The following SYNE2 variants were observed in gnomAD, a reference collection of about 807,000 sequenced individuals.
The protein encoded by SYNE2 is nesprin-2.
A neutral mutation model predicts 856.3 loss-of-function variants in SYNE2; 431 were observed. That is an observed-to-expected ratio of 0.50 (90% confidence interval 0.47 to 0.55). The LOEUF (loss-of-function observed/expected upper bound fraction) is 0.55. Among genes scored for constraint, SYNE2 ranks in the 20% least tolerant of loss-of-function variants. The pLI, the probability that SYNE2 is intolerant of heterozygous loss-of-function variation, is 0.00. For missense variants in SYNE2, 8,129 were observed against 8,023.2 expected (o/e 1.01, Z -0.50); for synonymous variants, 2,923 against 2,872.3 (o/e 1.02, Z -0.56).
Position 64,128,478 on chromosome 14 carries a change from G to T in SYNE2, c.13944G>T (p.Gln4648His). ...YQNEIKRLYH[Q>H]LIKSKTSLQQ... ...ATGAAATAAAGAGATTATATCATCAGCTCATTAAGAGTAAGACATCTTTAC... is the reference window on the plus strand; with the variant it reads ...ATGAAATAAAGAGATTATATCATCATCTCATTAAGAGTAAGACATCTTTAC... Residue 4648 changes from glutamine (Q) to histidine (H), a missense_variant, in exon 74 of 116, where the codon CAG (glutamine) becomes CAT (histidine). By Grantham distance (24) the Gln-to-His change is conservative (BLOSUM62 0). Transcript: ENST00000555002. The T allele has an allele frequency of 6.3e-7, 1 of 1,596,874 alleles. No homozygotes were observed. Among genetic ancestry groups the T allele is most frequent in the Non-Finnish European group, 8.6e-7 (1 of 1,164,278 alleles).
chr14:63,793,526 A>C (rs1887807383), intron 1 of SYNE2, among the ~76,000 whole-genome samples: 1 of 137,770 alleles, frequency 7.3e-6, no homozygotes, highest in Non-Finnish European at 1.6e-5. Flanking sequence ...TTGTCAAGCA[A>C]CATGCTAAAC....
Position 64,141,357 on chromosome 14 carries a change from T to G in SYNE2, c.14993T>G (p.Val4998Gly), listed in dbSNP as rs1463128504. The change falls in exon 81 of 116, where the codon GTT becomes GGT. Residue 4998 changes from valine to glycine, a missense_variant. This residue lies in a region of SYNE2 where 5,410 missense variants were observed against 5,284.8 expected (regional missense o/e 1.02). Coordinates refer to ENST00000555002, the MANE Select transcript of SYNE2 (RefSeq NM_182914.3). ...CTCCTTTAGGAGTTTTCAAAAGAAG[T>G]TGATGAAAAATCCTCCTTGAAGACT... is the stretch of plus-strand genomic sequence containing the variant. ...INNFFEFSKE[V>G]DEKSSLKTAV... is the part of the protein sequence containing the mutation. 6.2e-7 allele frequency: 1 copy of G among 1,613,184 alleles called. No individual in the cohort carries two copies. Among genetic ancestry groups the G allele is most frequent in the Non-Finnish European group, 8.5e-7 (1 of 1,179,764 alleles).
At position 63,993,868 on chromosome 14, in the gene SYNE2, G is replaced by T; in HGVS notation, c.2680G>T (p.Ala894Ser). The T allele has an allele frequency of 6.2e-7, 1 of 1,610,548 alleles. No homozygotes were observed. The highest frequency in any genetic ancestry group is 8.5e-7 in the Non-Finnish European group (1 of 1,178,204). Residue 894 changes from alanine (A) to serine (S), a missense_variant, in exon 22 of 116, where the codon GCC becomes TCC. Ala to Ser is a moderately conservative substitution (Grantham distance 99). This residue lies in a region of SYNE2 where 2,422 missense variants were observed against 2,357.4 expected (regional missense o/e 1.03). Coordinates refer to ENST00000555002, the MANE Select transcript of SYNE2 (RefSeq NM_182914.3). ...ALIISNTKSL[A>S]KYLKAVEELK... is the part of the protein sequence containing the mutation. ...AATAATTTCTAATACAAAAAGTCTG[G>T]CCAAGTATTTGAAAGCTGTTGAAGA...
At chr14:64,033,120 A>G (rs1054396220) in intron 45 of SYNE2, among the ~76,000 whole-genome samples, 4 of 152,202 alleles carry the variant, frequency 2.6e-5, no homozygotes, top group African/African-American at 9.7e-5. Flanking sequence ...GTGAGCCATG[A>G]TTGTGTCACT....
chr14:63,895,551 G>C (rs1365086845), intron 1 of SYNE2, among the ~76,000 whole-genome samples: 1 of 145,492 alleles, frequency 6.9e-6, no homozygotes. Flanking sequence ...CTGGGAGTTT[G>C]AGACCAGCCT....
At chr14:63,942,575 A>C (rs2095937656) in intron 6 of SYNE2, among the ~76,000 whole-genome samples, 1 of 151,546 alleles carries the variant, frequency 6.6e-6, no homozygotes, top group Non-Finnish European at 1.5e-5. Context: ...GGCTCACTGC[A>C]ACTTCCACCT....
intron 76 of SYNE2, among the ~76,000 whole-genome samples, chr14:64,131,275 A>G (rs2098017830): frequency 6.6e-6 from 1 of 152,182 alleles, no homozygotes; most frequent in Admixed American, 6.5e-5. Flanking sequence ...AGGAGAAGGG[A>G]TTCACATAAT....
chr14:63,883,450 A>G (rs1187440855), intron 1 of SYNE2, among the ~76,000 whole-genome samples: 1 of 152,124 alleles, frequency 6.6e-6, no homozygotes, highest in Non-Finnish European at 1.5e-5. Flanking sequence ...CTTGATCACC[A>G]GGCTCAGATG....
At chr14:63,767,707 A>G (rs1886738698) in intron 1 of SYNE2, among the ~76,000 whole-genome samples, 1 of 152,064 alleles carries the variant, frequency 6.6e-6, no homozygotes, top group Non-Finnish European at 1.5e-5. Flanking sequence ...TTCTGCCTGC[A>G]TTCTAAATTG....
At chr14:63,777,448 T>C (rs182065221) in intron 1 of SYNE2, among the ~76,000 whole-genome samples, 3 of 152,206 alleles carry the variant, frequency 2.0e-5, no homozygotes, top group Non-Finnish European at 4.4e-5. Context: ...GGTGGGAGGA[T>C]TGCTTGTGCT....
In SYNE2 at chr14:63,983,758, A is replaced by G. The variant is rs199854951; in HGVS notation, c.2023A>G (p.Ile675Val). ...ATAGGAAATGAACCTGCCACTGATGATAAAAAAACAGGATCAGCCCACTTT... is the reference window on the plus strand; with the variant it reads ...ATAGGAAATGAACCTGCCACTGATGGTAAAAAAACAGGATCAGCCCACTTT... ...TQLEMNLPLM[I>V]KKQDQPTFDN... Residue 675 changes from isoleucine (I) to valine (V), a missense_variant, in exon 18 of 116, where the codon ATA becomes GTA. Ile to Val is a conservative substitution (Grantham distance 29). Around this residue, in one of 3 missense-constraint regions of SYNE2, gnomAD observed 2,422 missense variants for 2,357.4 expected, o/e 1.03. Coordinates refer to ENST00000555002, the MANE Select transcript of SYNE2 (RefSeq NM_182914.3). 4.3e-5 allele frequency: 70 copies of G among 1,612,906 alleles called. No individual in the cohort carries two copies. Among genetic ancestry groups the G allele is most frequent in the African/African-American group, 5.3e-5 (4 of 74,916 alleles).
At position 64,059,784 on chromosome 14, in the gene SYNE2, G is replaced by A. The variant is rs564711233; in HGVS notation, c.10068-2967G>A. ...GGGTGGCGAGTTGCCCCGCACCTAG[G>A]TGAGTTCAGATATGCTGTCTGGGAG... is the stretch of plus-strand genomic sequence containing the variant. On this transcript the variant is annotated intron_variant, in intron 49 of 115. Coordinates refer to ENST00000555002, the MANE Select transcript of SYNE2 (RefSeq NM_182914.3). Among the ~76,000 whole-genome samples, 132 of 152,334 alleles carry A rather than the reference G, an allele frequency of 8.7e-4. 2 individuals carry two copies. The South Asian group carries it at 0.024, about 27-fold the overall frequency.
In SYNE2 at chr14:64,175,127, A is replaced by T; in HGVS notation, c.17419A>T (p.Ser5807Cys). 6.2e-7 allele frequency: 1 copy of T among 1,614,012 alleles called. No homozygotes were observed. Among genetic ancestry groups the T allele is most frequent in the Non-Finnish European group, 8.5e-7 (1 of 1,179,890 alleles). ...GGCAGAGATGATTAAGCAGTTCCAG[A>T]GCACTGTAGAGGTAAACTCACCACT... The part of the protein sequence containing the change: ...QLAEMIKQFQ[S>C]TVETWDQCEK... The change falls in exon 95 of 116, where the codon AGC becomes TGC. Residue 5807 changes from serine to cysteine, a missense_variant. Physicochemically the swap from Ser to Cys is moderately radical, Grantham distance 112 (BLOSUM62 -1). Coordinates refer to ENST00000555002, the MANE Select transcript of SYNE2 (RefSeq NM_182914.3).
At chr14:64,038,877 G>T (rs548734004) in intron 45 of SYNE2, among the ~76,000 whole-genome samples, 1,121 of 70,074 alleles carry the variant, frequency 0.016, 21 homozygotes, top group African/African-American at 0.039. Context: ...AGAGGGAGAG[G>T]GAGAGGGAGA....
intron 45 of SYNE2, among the ~76,000 whole-genome samples, chr14:64,044,655 T>C (rs947330500): frequency 6.6e-6 from 1 of 152,098 alleles, no homozygotes; most frequent in African/African-American, 2.4e-5. Context: ...TGGGAGGTGA[T>C]TGAATTATGG....
chr14:63,867,547 A>T (rs1433190856), intron 1 of SYNE2, among the ~76,000 whole-genome samples: 1 of 151,870 alleles, frequency 6.6e-6, no homozygotes, highest in East Asian at 1.9e-4. Flanking sequence ...AAAATACAAA[A>T]ATTAGCCAGG....
rs5809213 is a variant in SYNE2, at chr14:64,141,812, GT to G, written c.15160-120del. On this transcript the variant is annotated intron_variant, in intron 81 of 115. Transcript: ENST00000555002. ...TATTCTAAGTTTGAATGCTGGGTTT[GT>G]TTTTTTTTTGAGTAACCTGCATAAT... 0.046 allele frequency: 46,496 copies of G among 1,016,900 alleles called. 876 individuals are homozygous for G. The highest frequency in any genetic ancestry group is 0.074 in the African/African-American group (4,419 of 59,552). The allele number at this position is 1,016,900 out of a possible 1,614,324, so 63.0% of individuals were successfully genotyped here.
intron 1 of SYNE2, among the ~76,000 whole-genome samples, chr14:63,777,902 C>T (rs1887167246): frequency 6.6e-6 from 1 of 152,120 alleles, no homozygotes; most frequent in Non-Finnish European, 1.5e-5. Flanking sequence ...CTCCTGGCCT[C>T]TATTGATCCT....
intron 65 of SYNE2, among the ~76,000 whole-genome samples, chr14:64,107,820 G>T (rs988890587): frequency 3.3e-5 from 5 of 152,140 alleles, no homozygotes; most frequent in Non-Finnish European, 7.4e-5. Context: ...AGAATTAGAC[G>T]CTTTTCACTC....
Sources: allele counts gnomAD v4.1 joint callset (sites outside exome capture counted in the v4.1 genomes callset), GRCh38; gene constraint gnomAD v4.1.1; regional missense constraint gnomAD v4.1.1; transcripts MANE v1.5; gene names NCBI Gene and HGNC (gene_info 2026-07-23, HGNC 2026-07-21).